Variants in MAPK10 observed in about 807,000 individuals in gnomAD.
MAPK10 encodes the protein mitogen-activated protein kinase 10.
In MAPK10, 25 loss-of-function variants were observed where a neutral mutation model predicts 59.3. The ratio of observed to expected loss-of-function variants is 0.42; its 90% CI spans 0.31 to 0.59. The LOEUF is 0.59. Among genes scored for constraint, MAPK10 ranks in the 20% least tolerant of loss-of-function variants. The pLI is 0.15. For synonymous variants in MAPK10, 190 were observed against 200.5 expected, an observed-to-expected ratio of 0.95 and a Z score of 0.44; for missense variants, 351 against 568.9, an observed-to-expected ratio of 0.62 and a Z score of 3.90.
intron 1 of MAPK10, among the ~76,000 whole-genome samples, chr4:86,441,230 G>A (rs1749387928): frequency 6.6e-6 from 1 of 152,182 alleles, no homozygotes; most frequent in Non-Finnish European, 1.5e-5. Flanking sequence ...TTTCTACAAA[G>A]TAAACCTGGG....
intron 1 of MAPK10, among the ~76,000 whole-genome samples, chr4:86,445,383 C>T (rs1229216521): frequency 6.6e-6 from 1 of 152,002 alleles, no homozygotes; most frequent in Non-Finnish European, 1.5e-5. Flanking sequence ...AACACATGGA[C>T]ACAGGGAGGG....
intron 1 of MAPK10, among the ~76,000 whole-genome samples, chr4:86,437,039 C>T (rs546477871): frequency 1.3e-5 from 2 of 152,110 alleles, no homozygotes; most frequent in Admixed American, 1.3e-4. Flanking sequence ...GGTGAAACCA[C>T]ATCTCTACTA....
At chr4:86,048,284 T>C (rs2042884677) in intron 11 of MAPK10, among the ~76,000 whole-genome samples, 1 of 151,982 alleles carries the variant, frequency 6.6e-6, no homozygotes, top group African/African-American at 2.4e-5. Flanking sequence ...GACATAAAAA[T>C]GAATCACTGC....
intron 1 of MAPK10, among the ~76,000 whole-genome samples, chr4:86,460,180 C>T (rs899445812): frequency 6.6e-6 from 1 of 152,166 alleles, no homozygotes; most frequent in East Asian, 1.9e-4. Context: ...ATTAGCAACA[C>T]ATAGAAGTGA....
chr4:86,341,259 G>C (rs1290822445), intron 2 of MAPK10, among the ~76,000 whole-genome samples: 1 of 152,160 alleles, frequency 6.6e-6, no homozygotes, highest in African/African-American at 2.4e-5. Context: ...GCTTTGGTTT[G>C]CTGAGCATAA....
intron 1 of MAPK10, among the ~76,000 whole-genome samples, chr4:86,485,497 A>C (rs913887851): frequency 3.9e-5 from 6 of 152,214 alleles, no homozygotes; most frequent in Admixed American, 3.3e-4. Flanking sequence ...TGGATAAGTA[A>C]ATTAATGAAT....
intron 2 of MAPK10, among the ~76,000 whole-genome samples, chr4:86,220,153 A>G (rs1222359019): frequency 6.6e-6 from 1 of 152,206 alleles, no homozygotes; most frequent in African/African-American, 2.4e-5. Context: ...GCCCAAAACT[A>G]AATAAAATGT....
At chr4:86,252,276 G>T (rs1392916081) in intron 2 of MAPK10, among the ~76,000 whole-genome samples, 2 of 126,752 alleles carry the variant, frequency 1.6e-5, no homozygotes, top group Non-Finnish European at 3.1e-5. Context: ...GTAATGCCTT[G>T]GTTTTCTTCT....
intron 8 of MAPK10, chr4:86,100,567 T>C (rs1333075639): frequency 6.6e-6 from 1 of 152,464 alleles, no homozygotes; most frequent in Non-Finnish European, 1.5e-5. Context: ...TAATTTGGAT[T>C]ATTTCAAAGT....
intron 1 of MAPK10, among the ~76,000 whole-genome samples, chr4:86,408,065 C>T (rs1282159346): frequency 2.0e-5 from 3 of 148,888 alleles, no homozygotes; most frequent in Non-Finnish European, 4.5e-5. Flanking sequence ...CCCCCACCCC[C>T]CGACAAGCCC....
At chr4:86,038,168 A>G (rs80336668) in intron 11 of MAPK10, among the ~76,000 whole-genome samples, 1,753 of 152,272 alleles carry the variant, frequency 0.012, 29 homozygotes, top group African/African-American at 0.04. Flanking sequence ...TTTTTCCCTA[A>G]CACTTATGCT....
At chr4:86,531,826 C>G (rs142366363) in intron 1 of MAPK10, among the ~76,000 whole-genome samples, 20 of 152,202 alleles carry the variant, frequency 1.3e-4, no homozygotes, top group African/African-American at 4.3e-4. Flanking sequence ...AAAGATCCCA[C>G]TTACCAGTAG....
At chr4:86,273,273 C>A (rs2094485546) in intron 2 of MAPK10, among the ~76,000 whole-genome samples, 1 of 151,902 alleles carries the variant, frequency 6.6e-6, no homozygotes, top group Non-Finnish European at 1.5e-5. Flanking sequence ...AAAAGAAAGG[C>A]AATTATTCTG....
At chr4:86,546,355 C>T (rs548268733) in intron 1 of MAPK10, among the ~76,000 whole-genome samples, 10 of 151,828 alleles carry the variant, frequency 6.6e-5, no homozygotes, top group East Asian at 1.9e-4. Context: ...CGAGACAAGC[C>T]TGGCCAACAT....
chr4:86,185,435 G>A (rs1383634387), intron 3 of MAPK10, among the ~76,000 whole-genome samples: 1 of 152,036 alleles, frequency 6.6e-6, no homozygotes, highest in Admixed American at 6.6e-5. Flanking sequence ...GAGGTTTCTA[G>A]GGGGCTAGAT....
chr4:86,033,791 G>T (rs1014273327), intron 11 of MAPK10, among the ~76,000 whole-genome samples: 1 of 152,140 alleles, frequency 6.6e-6, no homozygotes, highest in African/African-American at 2.4e-5. Context: ...GAGGAAATGC[G>T]AATGTCACCT....
chr4:86,371,717 G>A (rs572631145), intron 1 of MAPK10, among the ~76,000 whole-genome samples: 4 of 152,268 alleles, frequency 2.6e-5, no homozygotes, highest in South Asian at 4.2e-4. Flanking sequence ...CACAGTGGGT[G>A]CAGCCCACGG....
intron 2 of MAPK10, among the ~76,000 whole-genome samples, chr4:86,348,065 C>A (rs956235318): frequency 2.6e-5 from 4 of 152,108 alleles, no homozygotes; most frequent in African/African-American, 9.7e-5. Context: ...GTATTTGATT[C>A]CACAAATCTG....
At chr4:86,309,466 C>G (rs2095629177) in intron 2 of MAPK10, among the ~76,000 whole-genome samples, 1 of 152,208 alleles carries the variant, frequency 6.6e-6, no homozygotes, top group African/African-American at 2.4e-5. Flanking sequence ...CAGCCACCTG[C>G]AGCCTACATT....
Sources: gnomAD v4.1 joint callset for allele counts (sites outside exome capture counted in the v4.1 genomes callset) on GRCh38, gnomAD v4.1.1 for gene constraint, MANE v1.5 for transcripts, NCBI Gene and HGNC (gene_info 2026-07-23, HGNC 2026-07-21) for gene names.